The following CALCOCO1 variants were observed in gnomAD, a reference collection of about 807,000 sequenced individuals.
CALCOCO1 encodes the protein calcium-binding and coiled-coil domain-containing protein 1.
Under a neutral mutation model 86.3 loss-of-function variants are expected in CALCOCO1, and 44 were observed. The observed-to-expected ratio is 0.51, with a 90% confidence interval of 0.40 to 0.66. The LOEUF (loss-of-function observed/expected upper bound fraction) is 0.66. Ranked by LOEUF, CALCOCO1 falls within the 30% of genes least tolerant of loss-of-function variation. CALCOCO1 has a pLI of 0.00. For synonymous variants in CALCOCO1, 297 were observed against 327.6 expected, an observed-to-expected ratio of 0.91 and a Z score of 1.01; for missense variants, 708 against 851.1, an observed-to-expected ratio of 0.83 and a Z score of 2.09.
rs920853706 is a variant in CALCOCO1, at chr12:53,715,779, C to A, written c.1260+14G>T. ...AGTGGCCATCAGATTGCCAGGTACC[C>A]CCCATCCCTCTACCTCCACACTCTG... On this transcript the variant is annotated intron_variant, in intron 9 of 14. Transcript: ENST00000550804. The A allele has an allele frequency of 2.1e-5, 33 of 1,609,536 alleles. No individual in the cohort carries two copies. Among genetic ancestry groups the A allele is most frequent in the Non-Finnish European group, 2.3e-5 (27 of 1,178,646 alleles).
At chr12:53,721,866 C>A in intron 5 of CALCOCO1, 159 bp downstream of exon 5, 2 of 856,056 alleles carry the variant, frequency 2.3e-6, no homozygotes, top group Non-Finnish European at 3.7e-6. Flanking sequence ...CTTGTCACAT[C>A]AAGTTTAATC....
Position 53,716,018 on chromosome 12 carries a change from A to C in CALCOCO1, c.1035T>G (p.Leu345=). The C allele has an allele frequency of 6.2e-7, 1 of 1,613,400 alleles. No individual in the cohort carries two copies. Among genetic ancestry groups the C allele is most frequent in the Non-Finnish European group, 8.5e-7 (1 of 1,180,008 alleles). ...VAELEPLKEQ[L]RGAQELAASS... ...AGGCTGCAAGCTCCTGGGCCCCTCGAAGCTGCTCCTTCAAGGGCTCCAGCT... is the reference window on the plus strand; with the variant it reads ...AGGCTGCAAGCTCCTGGGCCCCTCGCAGCTGCTCCTTCAAGGGCTCCAGCT... Residue 345 remains leucine, a synonymous_variant, in exon 9 of 15, where the codon CTT becomes CTG. Coordinates refer to ENST00000550804, the MANE Select transcript of CALCOCO1 (RefSeq NM_020898.3).
At chr12:53,725,363 C>T (rs1202192894) in intron 1 of CALCOCO1, 97 bp from the exon 2 acceptor site, 3 of 774,368 alleles carry the variant, frequency 3.9e-6, no homozygotes, top group Admixed American at 3.4e-5. Flanking sequence ...GCCACTACAC[C>T]TGGAGATAAG....
chr12:53,712,194 G>T, intron 14 of CALCOCO1, 73 bp from the exon 15 acceptor site: 1 of 1,382,600 alleles, frequency 7.2e-7, no homozygotes, highest in Non-Finnish European at 9.9e-7. Flanking sequence ...ACTTCGGAGA[G>T]CAGGACCCAT....
At chr12:53,726,947 G>C (rs560127925) in intron 1 of CALCOCO1, among the ~76,000 whole-genome samples, 99 of 152,280 alleles carry the variant, frequency 6.5e-4, no homozygotes, top group African/African-American at 2.3e-3. Flanking sequence ...ATGTTCACAT[G>C]ATGGGGCGGA....
chr12:53,714,369 G>T, intron 11 of CALCOCO1, 128 bp from the exon 12 acceptor site: 1 of 713,618 alleles, frequency 1.4e-6, no homozygotes, highest in Non-Finnish European at 2.4e-6. Context: ...AAAGATTGGG[G>T]CAACTTCAGG....
rs1476244497 is a variant in CALCOCO1 at position 53,722,014 on chromosome 12, C to T, written c.609+11G>A. 4 of 1,612,164 alleles carry T rather than the reference C, an allele frequency of 2.5e-6. No individual in the cohort carries two copies. Among genetic ancestry groups the T allele is most frequent in the East Asian group, 2.2e-5 (1 of 44,884 alleles). ...AGCCAGGCCCTGTCCCCTACCTGGC[C>T]CAGCTCCCACCTTGTACTGTTCCAT... On this transcript the variant is annotated intron_variant, in intron 5 of 14. Transcript: ENST00000550804.
rs201345561 is a variant in CALCOCO1, at chr12:53,716,036, C to T, written c.1017G>A (p.Glu339=). 1.7e-5 allele frequency: 27 copies of T among 1,612,558 alleles called. No individual in the cohort carries two copies. The East Asian group carries it at 5.6e-4, about 33-fold the overall frequency. The stretch of plus-strand genomic sequence containing the variant: ...CCCCTCGAAGCTGCTCCTTCAAGGG[C>T]TCCAGCTCGGCCTCAGGAGAAAGGA... ...GQAQQRVAEL[E]PLKEQLRGAQ... Residue 339 remains glutamate, a synonymous_variant, in exon 9 of 15, where the codon GAG becomes GAA. Transcript: ENST00000550804.
chr12:53,713,269 T>C (rs781522726), intron 13 of CALCOCO1, 63 bp from the exon 14 acceptor site: 5 of 1,355,322 alleles, frequency 3.7e-6, no homozygotes, highest in East Asian at 2.3e-5. Flanking sequence ...GAGCAGCACA[T>C]TGGGACAGGT....
intron 7 of CALCOCO1, among the ~76,000 whole-genome samples, chr12:53,717,403 A>G (rs752836777): frequency 3.3e-5 from 5 of 152,220 alleles, no homozygotes; most frequent in Non-Finnish European, 5.9e-5. Context: ...TTGAAAAATC[A>G]TCAAAGCCTT....
chr12:53,725,329 C>T, intron 1 of CALCOCO1, 63 bp from the exon 2 acceptor site: 1 of 1,098,504 alleles, frequency 9.1e-7, no homozygotes, highest in South Asian at 1.7e-5. Context: ...CCCACAGCTC[C>T]AGCACCACAC....
Position 53,724,767 on chromosome 12 carries a change from G to A in CALCOCO1, c.157-20C>T, listed in dbSNP as rs141977635. 698 of 1,592,314 alleles carry A rather than the reference G, an allele frequency of 4.4e-4. 5 individuals are homozygous for A. In the African/African-American group the frequency reaches 8.4e-3, roughly 19 times the overall value. ...CTCCACCTGTGAAAGCCCAAGGTTG[G>A]AGAAAGGTATGGTCATGGAACTACC... On this transcript the variant is annotated intron_variant, in intron 2 of 14. Transcript: ENST00000550804.
intron 4 of CALCOCO1, 96 bp downstream of exon 4, chr12:53,723,497 C>A (rs904952012): frequency 2.3e-6 from 3 of 1,299,464 alleles, no homozygotes. Context: ...CTTTAGTTGG[C>A]GCCACAGATG....
chr12:53,711,351 T>C lies in CALCOCO1; in HGVS notation c.*593A>G, dbSNP rs2120521335. On this transcript the variant is annotated 3_prime_UTR_variant, in exon 15 of 15. Coordinates refer to ENST00000550804, the MANE Select transcript of CALCOCO1 (RefSeq NM_020898.3). ...AATCCTCAAAAATACAAAAAACCCC[T>C]CCAAACTGAATACCTAAGGTTATGG... The C allele has an allele frequency of 2.5e-6, 1 of 393,482 alleles. No homozygotes were observed. The allele number at this position is 393,482 out of a possible 1,614,324, so 24.4% of individuals were successfully genotyped here.
chr12:53,720,526 C>T (rs1945840746), intron 6 of CALCOCO1, among the ~76,000 whole-genome samples: 1 of 152,220 alleles, frequency 6.6e-6, no homozygotes, highest in Non-Finnish European at 1.5e-5. Context: ...TTTCCAGATG[C>T]TCAATCTGAC....
At position 53,723,685 on chromosome 12, in the gene CALCOCO1, C is replaced by G. The variant is rs760090977; in HGVS notation, c.358G>C (p.Glu120Gln). The change falls in exon 4 of 15, where the codon GAG becomes CAG. Residue 120 changes from glutamate (E) to glutamine (Q), a missense_variant. By Grantham distance (29) the Glu-to-Gln change is conservative. Transcript: ENST00000550804. ...ACCAGTTCATCCATGGGCCTTGGCT[C>G]TCGGAACTGGAAAGGGGGGCTCTGC... ...CGQSPPFQFR[E>Q]PRPMDELVTL... is the part of the protein sequence containing the mutation. The G allele has an allele frequency of 2.5e-6, 4 of 1,614,078 alleles. No individual in the cohort carries two copies. The highest frequency in any genetic ancestry group is 1.3e-5 in the African/African-American group (1 of 74,912).
Position 53,722,091 on chromosome 12 carries a change from C to A in CALCOCO1, c.543G>T (p.Val181=), listed in dbSNP as rs77035073. ...EGQVTELRSR[V]QELERALATA... ...TTGCCAGAGCCCTCTCGAGCTCCTG[C>A]ACTCGGCTCCTCAGCTCTGTCACCT... Residue 181 remains valine (V), a synonymous_variant, in exon 5 of 15, where the codon GTG becomes GTT. Coordinates refer to ENST00000550804, the MANE Select transcript of CALCOCO1 (RefSeq NM_020898.3). The A allele has an allele frequency of 1.2e-6, 2 of 1,613,954 alleles. No individual in the cohort carries two copies. The highest frequency in any genetic ancestry group is 3.3e-4 in the Middle Eastern group (2 of 6,060).
rs1945502661 is a variant in CALCOCO1, at chr12:53,708,576, T to G, written c.*3368A>C. 6.6e-6 allele frequency: 1 copy of G among 152,240 alleles called. No homozygotes were observed. Among genetic ancestry groups the G allele is most frequent in the South Asian group, 2.1e-4 (1 of 4,834 alleles). 9.4% of individuals were successfully genotyped at this position (152,240 alleles called of 1,614,324 possible). ...TTGGTGAGCTCAATGATGTTCACTT[T>G]ATTATTCATTACATATATTATTTTG... On this transcript the variant is annotated 3_prime_UTR_variant, in exon 15 of 15. Coordinates refer to ENST00000550804, the MANE Select transcript of CALCOCO1 (RefSeq NM_020898.3).
intron 5 of CALCOCO1, 49 bp downstream of exon 5, chr12:53,721,976 A>T (rs375578444): frequency 1.2e-5 from 19 of 1,604,922 alleles, no homozygotes; most frequent in Non-Finnish European, 1.6e-5. Flanking sequence ...CAGATTTTGG[A>T]TGCTGGGTGA....
Sources: gnomAD v4.1 joint callset for allele counts (sites outside exome capture counted in the v4.1 genomes callset) on GRCh38, gnomAD v4.1.1 for gene constraint, MANE v1.5 for transcripts, NCBI Gene and HGNC (gene_info 2026-07-23, HGNC 2026-07-21) for gene names.